The following RBFOX1 variants were observed in gnomAD, a reference collection of about 807,000 sequenced individuals.
RBFOX1 encodes RNA binding protein fox-1 homolog 1.
A neutral mutation model predicts 57.7 loss-of-function variants in RBFOX1; 8 were observed. That is an observed-to-expected ratio of 0.14 (90% confidence interval 0.08 to 0.25). The LOEUF is 0.25. RBFOX1 is among the 10% of genes least tolerant of loss of function. The probability of loss-of-function intolerance (pLI) is 1.00; values close to 1 mark genes in which losing one functional copy is unlikely to be tolerated. For synonymous variants in RBFOX1, 326 were observed against 222.4 expected (o/e 1.47, Z -4.15); for missense variants, 611 against 548.5 (o/e 1.11, Z -1.14).
chr16:6,341,321 A>G (rs1457186757), intron 2 of RBFOX1, among the ~76,000 whole-genome samples: 1 of 152,076 alleles, frequency 6.6e-6, no homozygotes, highest in Non-Finnish European at 1.5e-5. Context: ...TCTCTTTCAC[A>G]TCAAATCCCT....
chr16:6,054,092 G>A (rs1596745824), intron 1 of RBFOX1, among the ~76,000 whole-genome samples: 1 of 152,146 alleles, frequency 6.6e-6, no homozygotes, highest in East Asian at 1.9e-4. Flanking sequence ...GAAATAAATG[G>A]CACCCCTTGA....
chr16:5,358,469 G>A (rs1282225285), intron 1 of RBFOX1, among the ~76,000 whole-genome samples: 1 of 152,154 alleles, frequency 6.6e-6, no homozygotes, highest in Non-Finnish European at 1.5e-5. Flanking sequence ...TGGGGTACAT[G>A]AGATGTTTTG....
chr16:6,844,558 G>T (rs767628643), intron 3 of RBFOX1, among the ~76,000 whole-genome samples: 2 of 151,836 alleles, frequency 1.3e-5, no homozygotes, highest in Non-Finnish European at 1.5e-5. Flanking sequence ...GTATATGTAC[G>T]ACTTTTTTTT....
chr16:6,032,236 G>A (rs539653751), intron 1 of RBFOX1, among the ~76,000 whole-genome samples: 14 of 152,014 alleles, frequency 9.2e-5, no homozygotes, highest in African/African-American at 3.1e-4. Context: ...CCTCGTTCTC[G>A]CCTAGGTAGG....
intron 4 of RBFOX1, among the ~76,000 whole-genome samples, chr16:7,240,438 C>A (rs996117177): frequency 6.6e-6 from 1 of 152,152 alleles, no homozygotes; most frequent in African/African-American, 2.4e-5. Flanking sequence ...GCATTTGATA[C>A]ATATAGTGTG....
chr16:5,592,397 C>G lies in RBFOX1; in HGVS notation c.259-6505C>G, dbSNP rs571769291. Reference sequence around the variant, plus strand: ...GTCATAATTAGAAGGATCTTCACTACCACTCTGAGATTATAAAAATCTTTT... The same window carrying G: ...GTCATAATTAGAAGGATCTTCACTAGCACTCTGAGATTATAAAAATCTTTT... On this transcript the variant is annotated intron_variant, in intron 2 of 2. Coordinates refer to the RBFOX1 transcript ENST00000585867. Among the ~76,000 whole-genome samples the G allele has an allele frequency of 9.2e-5, 14 of 152,026 alleles. 1 individual carries two copies. The South Asian group carries it at 2.7e-3, about 29-fold the overall frequency.
intron 1 of RBFOX1, among the ~76,000 whole-genome samples, chr16:5,414,896 C>A (rs2067120624): frequency 1.3e-5 from 2 of 152,102 alleles, no homozygotes; most frequent in Admixed American, 1.3e-4. Flanking sequence ...AAGCTTCATC[C>A]AATAAATATG....
intron 1 of RBFOX1, among the ~76,000 whole-genome samples, chr16:6,211,070 G>A (rs1422030815): frequency 6.6e-6 from 1 of 151,578 alleles, no homozygotes; most frequent in East Asian, 1.9e-4. Flanking sequence ...AACTACTGAT[G>A]GAAAACATCA....
chr16:6,732,403 C>G lies in RBFOX1; in HGVS notation c.-16+77753C>G, dbSNP rs1482892556. 2.6e-5 allele frequency among the ~76,000 whole-genome samples: 4 copies of G among 152,334 alleles called. No individual in the cohort carries two copies. The East Asian group carries it at 7.7e-4, about 29-fold the overall frequency. ...AATCAGCTTCCCCAAGGCAGGTGAC[C>G]TCTCTGGCCCAAGCACCTGCACTGC... is the stretch of plus-strand genomic sequence containing the variant. On this transcript the variant is annotated intron_variant, in intron 3 of 15. Transcript: ENST00000550418.
chr16:7,624,411 T>C (rs2059766600), intron 10 of RBFOX1, among the ~76,000 whole-genome samples: 1 of 152,220 alleles, frequency 6.6e-6, no homozygotes, highest in South Asian at 2.1e-4. Flanking sequence ...TAAGGTTTGG[T>C]TTGATATTCA....
intron 4 of RBFOX1, among the ~76,000 whole-genome samples, chr16:6,012,030 A>G (rs373266471): frequency 2.9e-4 from 44 of 152,338 alleles, no homozygotes; most frequent in African/African-American, 1.0e-3. Context: ...ACTCACTTCC[A>G]CAGAGCTGTT....
chr16:6,897,087 C>A (rs545761899), intron 3 of RBFOX1, among the ~76,000 whole-genome samples: 1 of 152,096 alleles, frequency 6.6e-6, no homozygotes. Context: ...AGGAAGGGAG[C>A]AATGGATGGG....
chr16:6,316,722 G>T (rs533962758), intron 1 of RBFOX1, among the ~76,000 whole-genome samples: 15 of 152,214 alleles, frequency 9.9e-5, no homozygotes, highest in African/African-American at 2.9e-4. Context: ...TGCATGTCTT[G>T]TCAACTGTGG....
At chr16:6,762,802 C>T (rs115783148) in intron 3 of RBFOX1, among the ~76,000 whole-genome samples, 2,006 of 152,126 alleles carry the variant, frequency 0.013, 53 homozygotes, top group African/African-American at 0.045. Context: ...AGGAAACAGG[C>T]AATTGCAAAA....
intron 4 of RBFOX1, among the ~76,000 whole-genome samples, chr16:5,904,957 A>G (rs111308181): frequency 0.14 from 18,208 of 130,514 alleles, 1,477 homozygotes; most frequent in Middle Eastern, 0.25. Context: ...AGCCTGGGCG[A>G]CAGAGCAAGA....
At chr16:7,703,251 G>A (rs1351516287) in intron 14 of RBFOX1, among the ~76,000 whole-genome samples, 3 of 152,144 alleles carry the variant, frequency 2.0e-5, no homozygotes, top group Non-Finnish European at 4.4e-5. Flanking sequence ...CAGAGACCCG[G>A]GCCATTCATT....
chr16:6,244,907 A>C (rs1408487276), intron 1 of RBFOX1, among the ~76,000 whole-genome samples: 2 of 151,400 alleles, frequency 1.3e-5, no homozygotes, highest in Admixed American at 1.3e-4. Context: ...GTCCTTTGGC[A>C]AACTGAATAC....
intron 4 of RBFOX1, among the ~76,000 whole-genome samples, chr16:7,459,377 G>T (rs1478004516): frequency 1.3e-5 from 2 of 152,182 alleles, no homozygotes; most frequent in African/African-American, 2.4e-5. Context: ...TTGTACAAAA[G>T]TATGTTTGGT....
intron 1 of RBFOX1, among the ~76,000 whole-genome samples, chr16:5,302,949 C>G (rs928767743): frequency 6.6e-6 from 1 of 152,176 alleles, no homozygotes; most frequent in Non-Finnish European, 1.5e-5. Context: ...TGGATATGGT[C>G]AGGTTTAAGT....
Sources: gnomAD v4.1 joint callset for allele counts (sites outside exome capture counted in the v4.1 genomes callset) on GRCh38, gnomAD v4.1.1 for gene constraint, MANE v1.5 for transcripts, NCBI Gene and HGNC (gene_info 2026-07-23, HGNC 2026-07-21) for gene names.